FBXW11: variants seen among roughly 807,000 people sequenced by gnomAD.
FBXW11 encodes the protein F-box and WD repeat domain containing 11, also known as F-box/WD repeat-containing protein 11.
A neutral mutation model predicts 77.6 loss-of-function variants in FBXW11; 19 were observed. That is an observed-to-expected ratio of 0.24 (90% CI 0.17 to 0.36). FBXW11 has a LOEUF of 0.36. FBXW11 is among the 10% of genes least tolerant of loss of function. The pLI is 1.00. For synonymous variants in FBXW11, 235 were observed against 249.4 expected (o/e 0.94, Z 0.54); for missense variants, 334 against 704.2 (o/e 0.47, Z 5.95).
rs764961373 is a variant in FBXW11 at position 171,899,894 on chromosome 5, C to G, written c.623+20G>C. Reference sequence around the variant, plus strand: ...TGTCAATAAAATTTTTTCAAGGGAACAAGCAACCCAAGTACTTACCACCCT... The same window carrying G: ...TGTCAATAAAATTTTTTCAAGGGAAGAAGCAACCCAAGTACTTACCACCCT... On this transcript the variant is annotated intron_variant, in intron 5 of 13. Coordinates refer to ENST00000517395, the MANE Select transcript of FBXW11 (RefSeq NM_001378974.1). 4.5e-6 allele frequency: 7 copies of G among 1,563,490 alleles called. No individual in the cohort carries two copies. The highest frequency in any genetic ancestry group is 1.4e-5 in the African/African-American group (1 of 72,938).
chr5:171,971,502 T>A (rs755712748), intron 1 of FBXW11, among the ~76,000 whole-genome samples: 23 of 152,174 alleles, frequency 1.5e-4, no homozygotes, highest in Non-Finnish European at 3.2e-4. Context: ...TTCCCACTTA[T>A]TTTGTTTTTA....
intron 7 of FBXW11, among the ~76,000 whole-genome samples, chr5:171,884,841 T>G (rs1247236475): frequency 1.3e-5 from 2 of 152,146 alleles, no homozygotes; most frequent in Non-Finnish European, 2.9e-5. Flanking sequence ...TTGCAGCTAT[T>G]GTAAAAGAGG....
chr5:171,980,470 C>A (rs1561745200), intron 1 of FBXW11, among the ~76,000 whole-genome samples: 1 of 152,110 alleles, frequency 6.6e-6, no homozygotes, highest in Non-Finnish European at 1.5e-5. Flanking sequence ...GCAATATACG[C>A]ATCTGACAAA....
intron 1 of FBXW11, among the ~76,000 whole-genome samples, chr5:171,964,174 G>GA (rs1377753706): frequency 6.6e-6 from 1 of 152,204 alleles, no homozygotes; most frequent in Admixed American, 6.5e-5. Context: ...GCTACAAAGA[G>GA]TAGACACAAG....
At chr5:171,992,245 T>C (rs868316809) in intron 1 of FBXW11, among the ~76,000 whole-genome samples, 4 of 150,062 alleles carry the variant, frequency 2.7e-5, no homozygotes, top group Admixed American at 6.7e-5. Context: ...CTGGCCAACA[T>C]AGTGAAACCC....
At chr5:171,895,309 G>C (rs1303966425) in intron 6 of FBXW11, among the ~76,000 whole-genome samples, 2 of 152,220 alleles carry the variant, frequency 1.3e-5, no homozygotes, top group African/African-American at 2.4e-5. Flanking sequence ...ATTGGCAATA[G>C]AGTGAAAACA....
intron 1 of FBXW11, among the ~76,000 whole-genome samples, chr5:171,972,606 G>A (rs1047650599): frequency 1.4e-5 from 2 of 147,086 alleles, no homozygotes; most frequent in South Asian, 2.2e-4. Flanking sequence ...GTGCAATGAC[G>A]CGATCTTGGC....
intron 1 of FBXW11, among the ~76,000 whole-genome samples, chr5:171,976,183 C>T (rs1171767874): frequency 2.0e-5 from 3 of 152,004 alleles, no homozygotes; most frequent in East Asian, 1.9e-4. Flanking sequence ...TACAAGTCAA[C>T]GACAGTTTTA....
Position 171,998,796 on chromosome 5 carries a change from C to CAA in FBXW11, c.45+7660_45+7661dup, listed in dbSNP as rs34476350. Reference sequence around the variant, plus strand: ...TGGTTAACAGAGCAAGACTCCGTCTCAAAAAAAAAAAAAAAAAAAAGACTG... The same window carrying CAA: ...TGGTTAACAGAGCAAGACTCCGTCTCAAAAAAAAAAAAAAAAAAAAAAGACTG... On this transcript the variant is annotated intron_variant, in intron 1 of 13. Coordinates refer to ENST00000517395, the MANE Select transcript of FBXW11 (RefSeq NM_001378974.1). Among the ~76,000 whole-genome samples the CAA allele has an allele frequency of 9.7e-4, 58 of 59,966 alleles. 1 individual carries two copies. The highest frequency in any genetic ancestry group is 2.2e-3 in the African/African-American group (46 of 20,936). The allele number at this position is 59,966 out of a possible 152,430, so 39.3% of individuals were successfully genotyped here.
At chr5:171,970,572 T>C (rs1764466659) in intron 1 of FBXW11, among the ~76,000 whole-genome samples, 1 of 152,216 alleles carries the variant, frequency 6.6e-6, no homozygotes, top group Admixed American at 6.5e-5. Context: ...CTTGAATACA[T>C]ACAACATTTA....
At chr5:171,968,208 G>A (rs1046710826) in intron 1 of FBXW11, among the ~76,000 whole-genome samples, 2 of 152,112 alleles carry the variant, frequency 1.3e-5, no homozygotes, top group African/African-American at 2.4e-5. Flanking sequence ...TGTAATCCCA[G>A]CACTTTGGGA....
rs1440730342 is a variant in FBXW11, at chr5:171,913,812, CACACAT to C, written c.210+525_210+530del. Among the ~76,000 whole-genome samples the C allele has an allele frequency of 5.9e-4, 78 of 132,158 alleles. 2 individuals carry two copies. The highest frequency in any genetic ancestry group is 1.2e-3 in the Non-Finnish European group (68 of 59,048). 86.7% of individuals were successfully genotyped at this position (132,158 alleles called of 152,430 possible). ...CTTGCTCCCCAAACCCCCAACCACACACACATACACACACACACACACACACACACA... is the reference window on the plus strand; with the variant it reads ...CTTGCTCCCCAAACCCCCAACCACACACACACACACACACACACACACACA... On this transcript the variant is annotated intron_variant, in intron 3 of 13. Transcript: ENST00000517395.
chr5:171,995,809 T>C (rs899924994), intron 1 of FBXW11, among the ~76,000 whole-genome samples: 4 of 152,146 alleles, frequency 2.6e-5, no homozygotes, highest in Non-Finnish European at 4.4e-5. Context: ...TGACCCACCA[T>C]GTGTTCTTTG....
At chr5:171,959,482 C>A (rs992709950) in intron 1 of FBXW11, among the ~76,000 whole-genome samples, 4 of 151,882 alleles carry the variant, frequency 2.6e-5, no homozygotes, top group Admixed American at 6.6e-5. Flanking sequence ...CAAGCAGAGT[C>A]CCATGGAATT....
In FBXW11 at chr5:171,922,997, C is replaced by G. The variant is rs183443066; in HGVS notation, c.148-8592G>C. On this transcript the variant is annotated intron_variant, in intron 2 of 13. Coordinates refer to ENST00000517395, the MANE Select transcript of FBXW11 (RefSeq NM_001378974.1). ...TGGCACAATCCCAGCTCACTGCAAC[C>G]TCTGCCTCCGCGGTTCAAGCAATAC... Among the ~76,000 whole-genome samples, 559 of 152,290 alleles carry G rather than the reference C, an allele frequency of 3.7e-3. 2 individuals are homozygous for G. The highest frequency in any genetic ancestry group is 5.6e-3 in the Non-Finnish European group (381 of 68,016).
At chr5:171,898,692 G>A (rs758616538) in intron 6 of FBXW11, among the ~76,000 whole-genome samples, 16 of 152,032 alleles carry the variant, frequency 1.1e-4, no homozygotes, top group East Asian at 3.8e-4. Flanking sequence ...TTAAAAAAAC[G>A]GGGCCTTGGA....
intron 6 of FBXW11, among the ~76,000 whole-genome samples, chr5:171,892,939 TTTC>T (rs1258726540): frequency 6.6e-6 from 1 of 152,230 alleles, no homozygotes; most frequent in Non-Finnish European, 1.5e-5. Context: ...ACAAACTGTA[TTTC>T]TTCTTATTTT....
intron 4 of FBXW11, chr5:171,908,675 T>C (rs182065864): frequency 8.5e-5 from 13 of 152,262 alleles, no homozygotes; most frequent in Non-Finnish European, 1.3e-4. Flanking sequence ...CTCTCAAATA[T>C]CCTTAAAACT....
rs958487527 is a variant in FBXW11, at chr5:171,863,443, C to T, written c.*684G>A. 1 of 152,472 alleles carries T rather than the reference C, an allele frequency of 6.6e-6. No homozygotes were observed. The highest frequency in any genetic ancestry group is 2.4e-5 in the African/African-American group (1 of 41,418). The allele number at this position is 152,472 out of a possible 1,614,324, so 9.4% of individuals were successfully genotyped here. A position where few individuals can be genotyped will look rare whatever the true frequency, so the allele number is the denominator to read the frequency against. ...CAAATATCAGGAGATGGTTGGGGGACAGAGAACAGTTAATAAAAGAAAGAG... is the reference window on the plus strand; with the variant it reads ...CAAATATCAGGAGATGGTTGGGGGATAGAGAACAGTTAATAAAAGAAAGAG... On this transcript the variant is annotated 3_prime_UTR_variant, in exon 14 of 14. Coordinates refer to ENST00000517395, the MANE Select transcript of FBXW11 (RefSeq NM_001378974.1).
Sources: gnomAD v4.1 joint callset for allele counts (sites outside exome capture counted in the v4.1 genomes callset) on GRCh38, gnomAD v4.1.1 for gene constraint, MANE v1.5 for transcripts, NCBI Gene and HGNC (gene_info 2026-07-23, HGNC 2026-07-21) for gene names.